Variants in TF observed in about 807,000 individuals in gnomAD.
TF encodes the protein serotransferrin.
A neutral mutation model predicts 82.4 loss-of-function variants in TF; 55 were observed. The ratio of observed to expected loss-of-function variants is 0.67; its 90% CI spans 0.54 to 0.84. The LOEUF is 0.84. Ranked by LOEUF, TF falls within the 40% of genes least tolerant of loss-of-function variation. The pLI is 0.00. For missense variants in TF, 737 were observed against 868.4 expected (o/e 0.85, Z 1.90); for synonymous variants, 332 against 332.6 (o/e 1.00, Z 0.02).
At chr3:133,778,563 T>C in intron 16 of TF, 23 bp from the exon 17 acceptor site, 1 of 1,612,060 alleles carries the variant, frequency 6.2e-7, no homozygotes, top group Non-Finnish European at 8.5e-7. Context: ...TTGAAAATCC[T>C]ACCTCTCTGC....
chr3:133,688,798 A>T, the TF span, among the ~76,000 whole-genome samples: 1 of 152,244 alleles, frequency 6.6e-6, no homozygotes, highest in East Asian at 1.9e-4. Flanking sequence ...CAATATTTTC[A>T]GATGGTGGAA....
Position 133,791,714 on chromosome 3 carries a change from T to C in TF, c.*13094T>C, listed in dbSNP as rs1934843350. ...ACCAGCAGACTGGTCAGTCATGTCT[T>C]TGGGAGCTTGACCTTGTAACCATGT... On this transcript the variant is annotated 3_prime_UTR_variant, in exon 17 of 17. Transcript: ENST00000402696. 1 of 152,180 alleles carries C rather than the reference T, an allele frequency of 6.6e-6. No individual in the cohort carries two copies. The highest frequency in any genetic ancestry group is 2.4e-5 in the African/African-American group (1 of 41,452). The allele number at this position is 152,180 out of a possible 1,614,324, so 9.4% of individuals were successfully genotyped here. A position where few individuals can be genotyped will look rare whatever the true frequency, so the allele number is the denominator to read the frequency against.
chr3:133,688,618 TAAA>T, the TF span, among the ~76,000 whole-genome samples: 1 of 152,132 alleles, frequency 6.6e-6, no homozygotes, highest in South Asian at 2.1e-4. Flanking sequence ...TCAATCTCAG[TAAA>T]ATACCTATGT....
intron 7 of TF, among the ~76,000 whole-genome samples, chr3:133,757,405 C>T (rs1016940384): frequency 6.6e-6 from 1 of 152,218 alleles, no homozygotes; most frequent in African/African-American, 2.4e-5. Flanking sequence ...GGCTTTACTT[C>T]CCAAGAGCTG....
intron 12 of TF, among the ~76,000 whole-genome samples, chr3:133,767,286 T>G (rs1934151525): frequency 6.6e-6 from 1 of 152,242 alleles, no homozygotes; most frequent in South Asian, 2.1e-4. Context: ...TACAGACAGA[T>G]GTTTTCCAGT....
At chr3:133,727,352 A>G in the TF span, among the ~76,000 whole-genome samples, 7 of 150,084 alleles carry the variant, frequency 4.7e-5, no homozygotes, top group East Asian at 2.0e-4. Context: ...TATTGGGTGC[A>G]TATATATTTA....
chr3:133,693,665 T>G, the TF span, among the ~76,000 whole-genome samples: 3 of 152,158 alleles, frequency 2.0e-5, no homozygotes, highest in Non-Finnish European at 4.4e-5. Context: ...GCCCACCTCC[T>G]ACCCCCTCCT....
At chr3:133,767,205 C>A (rs901963754) in intron 12 of TF, among the ~76,000 whole-genome samples, 6 of 152,180 alleles carry the variant, frequency 3.9e-5, no homozygotes, top group African/African-American at 1.4e-4. Context: ...ACCTCATTTT[C>A]TATGTCCTCT....
Position 133,792,353 on chromosome 3 carries a change from A to G in TF, c.*13733A>G, listed in dbSNP as rs1023304331. On this transcript the variant is annotated 3_prime_UTR_variant, in exon 17 of 17. Transcript: ENST00000402696. Reference sequence around the variant, plus strand: ...CTGTGTAAGTCATGAAATAATTTACAAAAGAGAATTTATGCAAGAAATATA... The same window carrying G: ...CTGTGTAAGTCATGAAATAATTTACGAAAGAGAATTTATGCAAGAAATATA... The G allele has an allele frequency of 6.6e-6, 1 of 152,244 alleles. No homozygotes were observed. The highest frequency in any genetic ancestry group is 1.5e-5 in the Non-Finnish European group (1 of 68,036). The allele number at this position is 152,244 out of a possible 1,614,324, so 9.4% of individuals were successfully genotyped here. A position where few individuals can be genotyped will look rare whatever the true frequency, so the allele number is the denominator to read the frequency against.
chr3:133,767,662 A>T (rs964876166), intron 12 of TF, among the ~76,000 whole-genome samples: 3 of 152,238 alleles, frequency 2.0e-5, no homozygotes, highest in Non-Finnish European at 4.4e-5. Flanking sequence ...AATGAATGGC[A>T]GGGAATGGGG....
chr3:133,697,645 C>T, the TF span, among the ~76,000 whole-genome samples: 1 of 152,204 alleles, frequency 6.6e-6, no homozygotes, highest in Non-Finnish European at 1.5e-5. Context: ...TGCTGCTGCC[C>T]CCCTGGGCCT....
At chr3:133,739,128 G>A in the TF span, among the ~76,000 whole-genome samples, 1 of 152,038 alleles carries the variant, frequency 6.6e-6, no homozygotes, top group East Asian at 1.9e-4. Flanking sequence ...ATAGACCAAT[G>A]GAACAGAACA....
chr3:133,680,895 A>T, the TF span, among the ~76,000 whole-genome samples: 2 of 152,130 alleles, frequency 1.3e-5, no homozygotes, highest in South Asian at 2.1e-4. Context: ...CAGTTTTTTT[A>T]AAAAATCTCA....
At chr3:133,720,121 A>AC in the TF span, among the ~76,000 whole-genome samples, 5 of 152,010 alleles carry the variant, frequency 3.3e-5, no homozygotes, top group Non-Finnish European at 7.4e-5. Flanking sequence ...TGTTACTAGT[A>AC]TTTCCAATAT....
upstream of TF, among the ~76,000 whole-genome samples, chr3:133,744,351 T>C (rs8177177): frequency 0.41 from 62,632 of 152,086 alleles, 13,238 homozygotes; most frequent in South Asian, 0.53. Context: ...GCTCAACCTT[T>C]CGTAACTGCA....
chr3:133,762,544 A>G (rs1310501618), intron 9 of TF, among the ~76,000 whole-genome samples: 4 of 152,134 alleles, frequency 2.6e-5, no homozygotes. Flanking sequence ...TAATTTATAA[A>G]CTTTATCATA....
chr3:133,701,053 G>A, the TF span: 1 of 152,594 alleles, frequency 6.6e-6, no homozygotes, highest in Non-Finnish European at 1.5e-5. Context: ...TCCAAAAAGA[G>A]GTATGTAAGG....
chr3:133,725,058 G>C, the TF span, among the ~76,000 whole-genome samples: 1 of 152,188 alleles, frequency 6.6e-6, no homozygotes, highest in African/African-American at 2.4e-5. Context: ...GGTTACTGTA[G>C]CCTTGTAATA....
At chr3:133,697,383 C>A in the TF span, among the ~76,000 whole-genome samples, 3 of 152,208 alleles carry the variant, frequency 2.0e-5, no homozygotes, top group African/African-American at 7.2e-5. Context: ...TGGGTCTCAT[C>A]AAGTTGTTTC....
Sources: allele counts gnomAD v4.1 joint callset (sites outside exome capture counted in the v4.1 genomes callset), GRCh38; gene constraint gnomAD v4.1.1; transcripts MANE v1.5; gene names NCBI Gene and HGNC (gene_info 2026-07-23, HGNC 2026-07-21).